The following STK10 variants were observed in gnomAD, a reference collection of about 807,000 sequenced individuals.
The protein encoded by STK10 is serine/threonine-protein kinase 10.
In STK10, 78 loss-of-function variants were observed where a neutral mutation model predicts 113.8. That is an observed-to-expected ratio of 0.69 (90% CI 0.57 to 0.83). The LOEUF is 0.83. Ranked by LOEUF, STK10 falls within the 40% of genes least tolerant of loss-of-function variation. STK10 has a pLI of 0.00. For synonymous variants in STK10, 465 were observed against 494.7 expected, an observed-to-expected ratio of 0.94 and a Z score of 0.80; for missense variants, 1,109 against 1,280.1, an observed-to-expected ratio of 0.87 and a Z score of 2.04.
intron 3 of STK10, among the ~76,000 whole-genome samples, chr5:172,121,565 G>T (rs113015252): frequency 6.6e-6 from 1 of 151,726 alleles, no homozygotes; most frequent in African/African-American, 2.4e-5. Context: ...CCAGCACTTC[G>T]GGAGGTGGAG....
intron 5 of STK10, chr5:172,107,115 C>CAA (rs370399074): frequency 1.2e-5 from 3 of 251,458 alleles, no homozygotes; most frequent in African/African-American, 4.8e-5. Flanking sequence ...AGGTGCGGAG[C>CAA]AAAAAAAAAG....
At chr5:172,061,088 T>C (rs373559403) in intron 14 of STK10, 51 bp downstream of exon 14, 128 of 1,551,808 alleles carry the variant, frequency 8.2e-5, no homozygotes, top group South Asian at 6.1e-4. Flanking sequence ...AGGGCTGGGA[T>C]GTCCACAGCG....
intron 7 of STK10, among the ~76,000 whole-genome samples, chr5:172,099,722 A>C (rs942293514): frequency 1.3e-5 from 2 of 152,192 alleles, no homozygotes; most frequent in Non-Finnish European, 2.9e-5. Flanking sequence ...CACACTGCGC[A>C]ATCTAACACA....
chr5:172,085,046 A>G (rs1362623133), intron 10 of STK10, among the ~76,000 whole-genome samples: 6 of 152,162 alleles, frequency 3.9e-5, no homozygotes, highest in Non-Finnish European at 5.9e-5. Flanking sequence ...GGAGTTCAAG[A>G]CCAGCCTGGG....
intron 12 of STK10, among the ~76,000 whole-genome samples, chr5:172,072,996 T>G (rs1234465104): frequency 1.3e-5 from 2 of 152,202 alleles, no homozygotes; most frequent in Non-Finnish European, 2.9e-5. Flanking sequence ...CTTTTCCAAG[T>G]TGGGTTTTAC....
Position 172,133,199 on chromosome 5 carries a change from C to CGT in STK10, c.322-5780_322-5779dup, listed in dbSNP as rs1487212263. 1.3e-5 allele frequency among the ~76,000 whole-genome samples: 2 copies of CGT among 151,938 alleles called. No homozygotes were observed. The highest frequency in any genetic ancestry group is 4.8e-5 in the African/African-American group (2 of 41,298). On this transcript the variant is annotated intron_variant, in intron 2 of 18. Coordinates refer to ENST00000176763, the MANE Select transcript of STK10 (RefSeq NM_005990.4). This position sits in a 1 kb window ranked among gnomAD's most constrained non-coding sequence, Gnocchi z 4.9. ...AACCTAATCTGGAGAGCTGTGTGTG[C>CGT]GTGTGTGCGTGTGTGTCTGGGGAGA... is the stretch of plus-strand genomic sequence containing the variant.
intron 1 of STK10, among the ~76,000 whole-genome samples, chr5:172,163,405 T>C (rs75639207): frequency 0.043 from 6,607 of 152,102 alleles, 497 homozygotes; most frequent in African/African-American, 0.15. Flanking sequence ...CTGTTCTATC[T>C]CCCTTTGCTA....
At chr5:172,144,181 A>G (rs752041159) in intron 2 of STK10, among the ~76,000 whole-genome samples, 3 of 152,270 alleles carry the variant, frequency 2.0e-5, no homozygotes, top group African/African-American at 7.2e-5. Context: ...CACTCAGCTA[A>G]TAAGTGACAG....
At chr5:172,130,133 C>T (rs3776759) in intron 2 of STK10, among the ~76,000 whole-genome samples, 46,662 of 152,034 alleles carry the variant, frequency 0.31, 8,339 homozygotes, top group African/African-American at 0.5. Flanking sequence ...TAACACCTAC[C>T]ATCTGTATGG....
Position 172,082,207 on chromosome 5 carries a change from C to T in STK10, c.1989+119G>A, listed in dbSNP as rs1306295754. 5.9e-6 allele frequency: 7 copies of T among 1,177,030 alleles called. No homozygotes were observed. The highest frequency in any genetic ancestry group is 3.2e-5 in the African/African-American group (2 of 63,274). 72.9% of individuals were successfully genotyped at this position (1,177,030 alleles called of 1,614,324 possible). ...GCACACAGATCCAGGCTCACCTGCTCCCGAGCTCTTCAGCCGTACCCCTCT... is the reference window on the plus strand; with the variant it reads ...GCACACAGATCCAGGCTCACCTGCTTCCGAGCTCTTCAGCCGTACCCCTCT... On this transcript the variant is annotated intron_variant, in intron 12 of 18. Transcript: ENST00000176763. This position sits in a 1 kb window ranked among gnomAD's most constrained non-coding sequence, Gnocchi z 4.3.
intron 13 of STK10, among the ~76,000 whole-genome samples, chr5:172,063,183 GA>G (rs1208712709): frequency 2.0e-5 from 3 of 151,970 alleles, no homozygotes; most frequent in African/African-American, 7.3e-5. Flanking sequence ...CCAGGAGGCA[GA>G]GGTTGCAGTG....
intron 2 of STK10, among the ~76,000 whole-genome samples, chr5:172,129,956 T>C (rs1232285812): frequency 6.6e-6 from 1 of 152,166 alleles, no homozygotes; most frequent in African/African-American, 2.4e-5. Context: ...TTCCTTGAGT[T>C]CATGGGTCTG....
intron 2 of STK10, among the ~76,000 whole-genome samples, chr5:172,153,604 C>G (rs1770290998): frequency 6.6e-6 from 1 of 152,220 alleles, no homozygotes; most frequent in African/African-American, 2.4e-5. Flanking sequence ...TGGGGAACAG[C>G]CAGTTTCTCA....
intron 1 of STK10, among the ~76,000 whole-genome samples, chr5:172,163,439 A>G (rs893301499): frequency 6.6e-6 from 1 of 152,180 alleles, no homozygotes; most frequent in Non-Finnish European, 1.5e-5. Flanking sequence ...ATCACAGCCA[A>G]TAGCAACCAC....
intron 2 of STK10, among the ~76,000 whole-genome samples, chr5:172,151,503 C>T (rs1044145682): frequency 1.3e-5 from 2 of 152,152 alleles, no homozygotes; most frequent in Non-Finnish European, 1.5e-5. Flanking sequence ...CACGCCACCA[C>T]GCCCGGCTAA....
chr5:172,181,427 T>C (rs750171946), intron 1 of STK10, among the ~76,000 whole-genome samples: 11 of 152,184 alleles, frequency 7.2e-5, no homozygotes, highest in African/African-American at 1.2e-4. Context: ...TGTCTTCTAT[T>C]ACGTATTACG....
intron 12 of STK10, among the ~76,000 whole-genome samples, chr5:172,081,684 C>A (rs1433787968): frequency 6.6e-6 from 1 of 152,110 alleles, no homozygotes; most frequent in Non-Finnish European, 1.5e-5. Flanking sequence ...CTCTGAGGAC[C>A]ACCCTCAGAG....
intron 3 of STK10, among the ~76,000 whole-genome samples, chr5:172,123,100 G>C (rs1336765575): frequency 6.6e-6 from 1 of 152,198 alleles, no homozygotes; most frequent in Non-Finnish European, 1.5e-5. Context: ...AACCTGGAAT[G>C]GACCTCAGGG....
rs188982393 is a variant in STK10, at chr5:172,165,021, G to A, written c.157-8233C>T. 4.8e-4 allele frequency among the ~76,000 whole-genome samples: 73 copies of A among 152,274 alleles called. 1 individual carries two copies. The highest frequency in any genetic ancestry group is 1.5e-5 in the Non-Finnish European group (1 of 68,008). ...AATCCTCCCCCTTGTACCCGCAAGG[G>A]GCCCAGCCTGGAGGAGGTGGGGATA... On this transcript the variant is annotated intron_variant, in intron 1 of 18. Transcript: ENST00000176763.
Sources: allele counts gnomAD v4.1 joint callset (sites outside exome capture counted in the v4.1 genomes callset), GRCh38; gene constraint gnomAD v4.1.1; non-coding constraint Gnocchi (gnomAD v3.1); transcripts MANE v1.5; gene names NCBI Gene and HGNC (gene_info 2026-07-23, HGNC 2026-07-21).